MCTP1: variants seen among roughly 807,000 people sequenced by gnomAD.
The protein encoded by MCTP1 is multiple C2 and transmembrane domain containing 1.
A neutral mutation model predicts 120.6 loss-of-function variants in MCTP1; 69 were observed. That is an observed-to-expected ratio of 0.57 (90% CI 0.47 to 0.70). The LOEUF (loss-of-function observed/expected upper bound fraction) is 0.70. Among genes scored for constraint, MCTP1 ranks in the 30% least tolerant of loss-of-function variants. The pLI is 0.00. For synonymous variants in MCTP1, 529 were observed against 493.1 expected (o/e 1.07, Z -0.96); for missense variants, 1,203 against 1,248.8 (o/e 0.96, Z 0.55).
chr5:94,909,435 T>TC, intron 9 of MCTP1, 54 bp from the exon 10 acceptor site: 1 of 1,549,506 alleles, frequency 6.5e-7, no homozygotes, highest in Non-Finnish European at 8.7e-7. Context: ...AAAAAAAACT[T>TC]CAACCTGAGA....
chr5:94,967,229 G>A (rs1230403806), intron 2 of MCTP1, among the ~76,000 whole-genome samples: 1 of 152,070 alleles, frequency 6.6e-6, no homozygotes, highest in African/African-American at 2.4e-5. Context: ...GGGTAGAGAT[G>A]GTTCCTAGAA....
chr5:95,274,825 A>T (rs1357745021), intron 1 of MCTP1, among the ~76,000 whole-genome samples: 1 of 151,748 alleles, frequency 6.6e-6, no homozygotes, highest in East Asian at 1.9e-4. Flanking sequence ...GGGTTTCATC[A>T]TGTTAGCCAG....
At chr5:95,114,072 C>T (rs1196149294) in intron 1 of MCTP1, among the ~76,000 whole-genome samples, 1 of 152,114 alleles carries the variant, frequency 6.6e-6, no homozygotes, top group Admixed American at 6.5e-5. Flanking sequence ...GGGAAGGAGC[C>T]AGTCCTGGCA....
At chr5:95,008,553 A>G (rs1835229484) in intron 2 of MCTP1, among the ~76,000 whole-genome samples, 1 of 152,178 alleles carries the variant, frequency 6.6e-6, no homozygotes, top group South Asian at 2.1e-4. Context: ...CATGAAGAAA[A>G]GGAATTGTTT....
At chr5:94,798,913 A>G in intron 18 of MCTP1, 100 bp downstream of exon 18, 1 of 1,269,784 alleles carries the variant, frequency 7.9e-7, no homozygotes, top group Non-Finnish European at 1.1e-6. Context: ...GTATTTATAG[A>G]CAGAATTCCT....
rs1297827814 is a variant in MCTP1, at chr5:94,705,195, G to C, written c.*2301C>G. 6.6e-6 allele frequency: 1 copy of C among 151,360 alleles called. No homozygotes were observed. The highest frequency in any genetic ancestry group is 2.4e-5 in the African/African-American group (1 of 41,340). The allele number at this position is 151,360 out of a possible 1,614,324, so 9.4% of individuals were successfully genotyped here. A position where few individuals can be genotyped will look rare whatever the true frequency, so the allele number is the denominator to read the frequency against. On this transcript the variant is annotated 3_prime_UTR_variant, in exon 23 of 23. Coordinates refer to ENST00000515393, the MANE Select transcript of MCTP1 (RefSeq NM_024717.7). ...GGCAAGTCAGGCAGCTCTCAAGACA[G>C]AATTGCAGCTATGTGAGAAGGGGAA...
intron 2 of MCTP1, among the ~76,000 whole-genome samples, chr5:94,994,552 G>C (rs1020853523): frequency 3.3e-5 from 5 of 152,092 alleles, no homozygotes; most frequent in African/African-American, 1.2e-4. Flanking sequence ...TATAGTAATT[G>C]GTGTGGCAGT....
chr5:95,278,348 A>C (rs952615962), intron 1 of MCTP1, among the ~76,000 whole-genome samples: 2 of 152,234 alleles, frequency 1.3e-5, no homozygotes, highest in African/African-American at 4.8e-5. Context: ...TTAAGTGAAC[A>C]AATGACTTGA....
At chr5:94,773,788 T>C (rs1316070365) in intron 19 of MCTP1, among the ~76,000 whole-genome samples, 1 of 152,120 alleles carries the variant, frequency 6.6e-6, no homozygotes, top group African/African-American at 2.4e-5. Context: ...TTCACTATCA[T>C]GAGAACAGCA....
At chr5:94,861,301 C>T (rs1795729301) in intron 17 of MCTP1, among the ~76,000 whole-genome samples, 2 of 151,816 alleles carry the variant, frequency 1.3e-5, no homozygotes, top group Non-Finnish European at 2.9e-5. Context: ...ACTTCCTTAA[C>T]ATTTCAGGTT....
chr5:94,966,207 A>G (rs555492427), intron 2 of MCTP1, among the ~76,000 whole-genome samples: 1 of 152,312 alleles, frequency 6.6e-6, no homozygotes, highest in Non-Finnish European at 1.5e-5. Flanking sequence ...TGGAGGGCAT[A>G]TTTAGACTTT....
chr5:95,056,153 A>G lies in MCTP1; in HGVS notation c.721-38669T>C, dbSNP rs550218232. Among the ~76,000 whole-genome samples, 13 of 152,328 alleles carry G rather than the reference A, an allele frequency of 8.5e-5. No individual in the cohort carries two copies. The South Asian group carries it at 1.0e-3, about 12-fold the overall frequency. On this transcript the variant is annotated intron_variant, in intron 1 of 22. Coordinates refer to ENST00000515393, the MANE Select transcript of MCTP1 (RefSeq NM_024717.7). The stretch of plus-strand genomic sequence containing the variant: ...AATACTTTATAAAATTGTGAATGTA[A>G]TGAGTTCTTTGTTGGCTTGAATTTC...
intron 1 of MCTP1, among the ~76,000 whole-genome samples, chr5:95,240,304 T>C (rs1316403950): frequency 6.6e-6 from 1 of 152,256 alleles, no homozygotes; most frequent in African/African-American, 2.4e-5. Context: ...ATTCAGATAC[T>C]GACCTTAAGT....
intron 17 of MCTP1, among the ~76,000 whole-genome samples, chr5:94,827,484 T>G (rs1225111731): frequency 6.6e-6 from 1 of 152,152 alleles, no homozygotes; most frequent in Non-Finnish European, 1.5e-5. Context: ...TTTGTGGTGT[T>G]CTTTGTATTT....
chr5:94,800,559 G>A (rs1781011399), intron 17 of MCTP1, among the ~76,000 whole-genome samples: 1 of 152,166 alleles, frequency 6.6e-6, no homozygotes, highest in Admixed American at 6.5e-5. Flanking sequence ...TCAGGGCCAG[G>A]AGACCAAGGT....
At chr5:94,750,473 T>C (rs1409435125) in intron 19 of MCTP1, among the ~76,000 whole-genome samples, 1 of 152,234 alleles carries the variant, frequency 6.6e-6, no homozygotes, top group East Asian at 1.9e-4. Context: ...GTAGTAGGAC[T>C]GCACTTCCTT....
intron 1 of MCTP1, among the ~76,000 whole-genome samples, chr5:95,053,879 T>C (rs1746654905): frequency 6.6e-6 from 1 of 152,186 alleles, no homozygotes; most frequent in Non-Finnish European, 1.5e-5. Context: ...TAAGATTGAA[T>C]TTAAGGCTTA....
chr5:95,168,177 G>C lies in MCTP1; in HGVS notation c.720+115679C>G, dbSNP rs1252802368. Among the ~76,000 whole-genome samples the C allele has an allele frequency of 2.6e-5, 4 of 152,046 alleles. No homozygotes were observed. The East Asian group carries it at 7.7e-4, about 29-fold the overall frequency. ...AATCCTTTCCCCATTTCCTGTTTTT[G>C]TCAGGTTTGTCAAAGATCAGATAGT... On this transcript the variant is annotated intron_variant, in intron 1 of 22. Coordinates refer to ENST00000515393, the MANE Select transcript of MCTP1 (RefSeq NM_024717.7).
In MCTP1 at chr5:94,869,458, C is replaced by T. The variant is rs1376852779; in HGVS notation, c.2316+959G>A. ...TCTATCTCTTAGTTTTCCTTCTTTG[C>T]CCCTATCACCTTACATTAAGAACTA... On this transcript the variant is annotated intron_variant, in intron 16 of 22. Transcript: ENST00000515393. Among the ~76,000 whole-genome samples, 3 of 151,940 alleles carry T rather than the reference C, an allele frequency of 2.0e-5. 1 individual carries two copies. The highest frequency in any genetic ancestry group is 4.8e-5 in the African/African-American group (2 of 41,410).
Sources: allele counts gnomAD v4.1 joint callset (sites outside exome capture counted in the v4.1 genomes callset), GRCh38; gene constraint gnomAD v4.1.1; transcripts MANE v1.5; gene names NCBI Gene and HGNC (gene_info 2026-07-23, HGNC 2026-07-21).